Variants in RAB38 observed in about 807,000 individuals in gnomAD.
RAB38 encodes the protein RAB38, member RAS oncogene family, also known as ras-related protein Rab-38.
A neutral mutation model predicts 18.4 loss-of-function variants in RAB38; 15 were observed. The ratio of observed to expected loss-of-function variants is 0.82; its 90% confidence interval spans 0.55 to 1.26. The LOEUF (loss-of-function observed/expected upper bound fraction) is 1.26. Ranked by LOEUF, RAB38 falls within the 50% of genes most tolerant of loss-of-function variation. RAB38 has a pLI of 0.00. For missense variants in RAB38, 294 were observed against 267.4 expected, an observed-to-expected ratio of 1.10 and a Z score of -0.69; for synonymous variants, 101 against 104.4, an observed-to-expected ratio of 0.97 and a Z score of 0.20.
At chr11:87,937,346 ATATATC>A in the RAB38 span, among the ~76,000 whole-genome samples, 2,459 of 130,336 alleles carry the variant, frequency 0.019, 48 homozygotes, top group Non-Finnish European at 0.029. Flanking sequence ...ATATATATAT[ATATATC>A]ATAATTCTAT....
intron 1 of RAB38, among the ~76,000 whole-genome samples, chr11:88,154,182 A>C (rs2134833821): frequency 6.6e-6 from 1 of 152,320 alleles, no homozygotes; most frequent in African/African-American, 2.4e-5. Flanking sequence ...TTGTGAGGAA[A>C]AGACGTGAGG....
At chr11:88,029,040 A>C in the RAB38 span, among the ~76,000 whole-genome samples, 1 of 152,126 alleles carries the variant, frequency 6.6e-6, no homozygotes, top group Non-Finnish European at 1.5e-5. Context: ...CTCGGCAGAA[A>C]CTCTACAAGC....
chr11:88,108,131 T>C, the RAB38 span, among the ~76,000 whole-genome samples: 62 of 152,218 alleles, frequency 4.1e-4, no homozygotes, highest in Non-Finnish European at 5.1e-4. Flanking sequence ...AGATGTCTAT[T>C]AGGTTCACTT....
chr11:88,136,250 C>A (rs996685336), intron 2 of RAB38, among the ~76,000 whole-genome samples: 2 of 152,148 alleles, frequency 1.3e-5, no homozygotes, highest in African/African-American at 4.8e-5. Flanking sequence ...ATTTTCCCCC[C>A]AGTCTCAGCA....
At chr11:88,011,723 A>G in the RAB38 span, among the ~76,000 whole-genome samples, 1 of 152,178 alleles carries the variant, frequency 6.6e-6, no homozygotes. Flanking sequence ...TAGTTCTTCA[A>G]GACAACCTCA....
At chr11:88,159,238 A>T (rs866127546) in intron 1 of RAB38, among the ~76,000 whole-genome samples, 1 of 121,976 alleles carries the variant, frequency 8.2e-6, no homozygotes, top group Admixed American at 8.4e-5. Flanking sequence ...AATAAATAAA[A>T]ATAAAATAAA....
At chr11:87,958,788 A>C in the RAB38 span, among the ~76,000 whole-genome samples, 1 of 152,182 alleles carries the variant, frequency 6.6e-6, no homozygotes, top group African/African-American at 2.4e-5. Flanking sequence ...TTGTAAATAC[A>C]TGGCTGCATT....
chr11:87,843,526 A>G, the RAB38 span, among the ~76,000 whole-genome samples: 1 of 152,190 alleles, frequency 6.6e-6, no homozygotes, highest in South Asian at 2.1e-4. Flanking sequence ...AGTGCTTCTA[A>G]TTGACTAATA....
downstream of RAB38, among the ~76,000 whole-genome samples, chr11:88,112,799 T>TAC (rs1354456153): frequency 6.6e-6 from 1 of 151,180 alleles, no homozygotes; most frequent in Non-Finnish European, 1.5e-5. Flanking sequence ...ACAAAATATA[T>TAC]ATATATATAT....
the RAB38 span, among the ~76,000 whole-genome samples, chr11:87,826,823 G>T: frequency 6.6e-6 from 1 of 152,132 alleles, no homozygotes; most frequent in Non-Finnish European, 1.5e-5. Context: ...AACACACCCA[G>T]ATAACCAGCC....
the RAB38 span, among the ~76,000 whole-genome samples, chr11:87,827,270 A>T: frequency 6.6e-6 from 1 of 152,086 alleles, no homozygotes; most frequent in African/African-American, 2.4e-5. Context: ...GAAGACTTCA[A>T]AGTTTTTATT....
the RAB38 span, among the ~76,000 whole-genome samples, chr11:87,948,922 T>G: frequency 6.6e-6 from 1 of 152,130 alleles, no homozygotes; most frequent in Non-Finnish European, 1.5e-5. Context: ...TTAGGGAGGA[T>G]TCCCTCTTTT....
chr11:87,860,386 A>G, the RAB38 span, among the ~76,000 whole-genome samples: 1 of 152,022 alleles, frequency 6.6e-6, no homozygotes, highest in Non-Finnish European at 1.5e-5. Context: ...AAATTAAATT[A>G]TAACTTGTAA....
At chr11:87,922,855 G>A in the RAB38 span, among the ~76,000 whole-genome samples, 1 of 150,966 alleles carries the variant, frequency 6.6e-6, no homozygotes, top group Non-Finnish European at 1.5e-5. Context: ...CGGAAACAGA[G>A]AGGAGGAATA....
chr11:87,945,226 C>G, the RAB38 span, among the ~76,000 whole-genome samples: 2 of 152,100 alleles, frequency 1.3e-5, no homozygotes, highest in Admixed American at 6.6e-5. Flanking sequence ...CCTGAATTTT[C>G]TACAATTTTG....
the RAB38 span, among the ~76,000 whole-genome samples, chr11:88,102,977 T>C: frequency 1.3e-5 from 2 of 152,042 alleles, no homozygotes; most frequent in Non-Finnish European, 2.9e-5. Context: ...TTCCATTTCC[T>C]CCTATATATA....
chr11:87,933,545 C>T, the RAB38 span, among the ~76,000 whole-genome samples: 4 of 152,024 alleles, frequency 2.6e-5, no homozygotes, highest in African/African-American at 9.7e-5. Flanking sequence ...AACTGCTAGA[C>T]AGGAATGAGA....
At chr11:87,876,758 C>G in the RAB38 span, among the ~76,000 whole-genome samples, 4 of 151,510 alleles carry the variant, frequency 2.6e-5, no homozygotes, top group Non-Finnish European at 4.4e-5. Context: ...ACTCTTCAAA[C>G]AAGACTTTGG....
the RAB38 span, among the ~76,000 whole-genome samples, chr11:87,903,712 T>C: frequency 6.6e-6 from 1 of 151,582 alleles, no homozygotes; most frequent in Non-Finnish European, 1.5e-5. Context: ...GGGACGTTTA[T>C]TCATAACTAT....
Sources: allele counts gnomAD v4.1 joint callset (sites outside exome capture counted in the v4.1 genomes callset), GRCh38; gene constraint gnomAD v4.1.1; transcripts MANE v1.5; gene names NCBI Gene and HGNC (gene_info 2026-07-23, HGNC 2026-07-21).